The following NELFA variants were observed in gnomAD, a reference collection of about 807,000 sequenced individuals.
The protein encoded by NELFA is negative elongation factor A.
NELFA carries 35 observed loss-of-function variants against 51.8 expected under a neutral mutation model. That is an observed-to-expected ratio of 0.68 (90% CI 0.52 to 0.90). The LOEUF (loss-of-function observed/expected upper bound fraction) is 0.90, where lower values mean the gene tolerates loss of function less well. NELFA is among the 40% of genes least tolerant of loss of function. NELFA has a pLI of 0.00. For missense variants in NELFA, 658 were observed against 746.4 expected (o/e 0.88, Z 1.38); for synonymous variants, 417 against 338.4 (o/e 1.23, Z -2.55).
At chr4:2,005,490 G>C (rs1397798917) in intron 1 of NELFA, among the ~76,000 whole-genome samples, 1 of 152,030 alleles carries the variant, frequency 6.6e-6, no homozygotes, top group Non-Finnish European at 1.5e-5. Flanking sequence ...TCAGGAGTTC[G>C]AGAGCAGCCT....
At chr4:1,984,287 A>G (rs983782953) in intron 8 of NELFA, among the ~76,000 whole-genome samples, 174 bp from the exon 9 acceptor site, 2 of 152,182 alleles carry the variant, frequency 1.3e-5, no homozygotes, top group African/African-American at 2.4e-5. Flanking sequence ...CCAGAGGAAC[A>G]AGGCCAGTGG....
In NELFA at chr4:1,993,083, C is replaced by G. The variant is rs544328098; in HGVS notation, c.211-1368G>C. 6.7e-3 allele frequency among the ~76,000 whole-genome samples: 1,027 copies of G among 152,370 alleles called. 5 individuals carry two copies. The highest frequency in any genetic ancestry group is 0.01 in the Middle Eastern group (3 of 294). ...AGCCGCACAGCCCGGCTGTTTCCAG[C>G]CAGTGCGGCCTCTCCACAGCAGCCC... On this transcript the variant is annotated intron_variant, in intron 1 of 10. Coordinates refer to ENST00000382882, the MANE Select transcript of NELFA (RefSeq NM_005663.5).
chr4:2,002,027 T>C (rs373311142), intron 1 of NELFA, among the ~76,000 whole-genome samples: 284 of 151,010 alleles, frequency 1.9e-3, no homozygotes, highest in Middle Eastern at 3.5e-3. Context: ...GGTGAAACCC[T>C]GTCTCTACTA....
intron 4 of NELFA, 174 bp from the exon 5 acceptor site, chr4:1,986,576 G>T: frequency 1.0e-6 from 1 of 1,002,220 alleles, no homozygotes; most frequent in Non-Finnish European, 1.4e-6. Flanking sequence ...GCAGGGGAAC[G>T]CCTGGAGCCA....
rs1160527450 is a variant in NELFA, at chr4:1,986,507, G to A, written c.635-105C>T. On this transcript the variant is annotated intron_variant, in intron 4 of 10. Transcript: ENST00000382882. ...TCTTCTAGGCTAGCGCCGCAGAGGG[G>A]AAGGGCCAAACCCCTGGCGGGCAGC... The A allele has an allele frequency of 1.9e-6, 3 of 1,553,094 alleles. No individual in the cohort carries two copies. The African/African-American group carries it at 4.1e-5, about 21-fold the overall frequency.
In NELFA at chr4:1,983,193, G is replaced by T; in HGVS notation, c.*126C>A. On this transcript the variant is annotated 3_prime_UTR_variant, in exon 11 of 11. Transcript: ENST00000382882. ...GCATCCAGAACTTAAAACAGGCTGG[G>T]TCAGCAGCAGGGCGGCGGCCGGGGG... is the stretch of plus-strand genomic sequence containing the variant. The T allele has an allele frequency of 2.2e-6, 2 of 908,056 alleles. No homozygotes were observed. The highest frequency in any genetic ancestry group is 2.6e-5 in the East Asian group (1 of 38,606). 56.2% of individuals were successfully genotyped at this position (908,056 alleles called of 1,614,324 possible).
chr4:1,986,645 G>T, intron 4 of NELFA: 1 of 512,028 alleles, frequency 2.0e-6, no homozygotes, highest in South Asian at 2.1e-5. Context: ...CCCAGCCACA[G>T]GATCTCACCA....
At position 1,992,404 on chromosome 4, in the gene NELFA, T is replaced by C. The variant is rs766389873; in HGVS notation, c.211-689A>G. On this transcript the variant is annotated intron_variant, in intron 1 of 10. Transcript: ENST00000382882. ...GCGCACCCCGTGCTCCCTCAATACC[T>C]GGGAGGCCAGATCCATCCACACCAG... The C allele has an allele frequency of 8.6e-5, 31 of 361,286 alleles. 1 individual carries two copies. The highest frequency in any genetic ancestry group is 6.0e-4 in the South Asian group (31 of 52,034). 22.4% of individuals were successfully genotyped at this position (361,286 alleles called of 1,614,324 possible).
In NELFA at chr4:2,000,600, G is replaced by C. The variant is rs1226727739; in HGVS notation, c.210+8150C>G. On this transcript the variant is annotated intron_variant, in intron 1 of 10. Transcript: ENST00000382882. ...CATACACCCTCCCAAGACTAAACCA[G>C]GAAGAAGTCGAATCCCTGACTAGAC... 2.0e-5 allele frequency among the ~76,000 whole-genome samples: 3 copies of C among 152,234 alleles called. No homozygotes were observed. The East Asian group carries it at 5.8e-4, about 29-fold the overall frequency.
chr4:2,000,326 C>T (rs551416311), intron 1 of NELFA, among the ~76,000 whole-genome samples: 1 of 151,640 alleles, frequency 6.6e-6, no homozygotes, highest in Non-Finnish European at 1.5e-5. Context: ...AAAAACCCTC[C>T]CCCCCAAAAA....
intron 1 of NELFA, chr4:2,007,157 C>G (rs770181330): frequency 3.5e-5 from 15 of 429,532 alleles, no homozygotes; most frequent in South Asian, 2.3e-4. Context: ...CAGTGAGTCA[C>G]GATGGTGCCA....
intron 6 of NELFA, 84 bp downstream of exon 6, chr4:1,986,030 G>A (rs770876912): frequency 1.5e-5 from 21 of 1,447,048 alleles, no homozygotes; most frequent in South Asian, 2.5e-5. Flanking sequence ...AGCCCTGCCC[G>A]CCGAGCGTGG....
At chr4:2,001,794 TC>T (rs1298644615) in intron 1 of NELFA, among the ~76,000 whole-genome samples, 4 of 151,890 alleles carry the variant, frequency 2.6e-5, no homozygotes, top group Non-Finnish European at 5.9e-5. Flanking sequence ...TCCCAGCTAC[TC>T]GGGAGGCTGA....
chr4:2,008,119 A>T, intron 1 of NELFA: 1 of 439,826 alleles, frequency 2.3e-6, no homozygotes, highest in South Asian at 1.6e-5. Flanking sequence ...CCCCTTCCTC[A>T]CGCGGGGGTT....
chr4:1,983,991 T>G lies in NELFA; in HGVS notation c.1159A>C (p.Thr387Pro). The G allele has an allele frequency of 1.9e-6, 3 of 1,608,742 alleles. No individual in the cohort carries two copies. Among genetic ancestry groups the G allele is most frequent in the Non-Finnish European group, 2.5e-6 (3 of 1,179,290 alleles). Residue 387 changes from threonine to proline, a missense_variant, in exon 9 of 11, where the codon ACG becomes CCG. Around this residue, in one of 3 missense-constraint regions of NELFA, gnomAD observed 200 missense variants for 167.9 expected, o/e 1.19. Coordinates refer to ENST00000382882, the MANE Select transcript of NELFA (RefSeq NM_005663.5). ...AGAGGCGAGGTGGGCGCCGCAGGCG[T>G]GGGTGTGGCAGGGCTCAGGCCGCTG... Reference protein sequence around the residue: ...YNSGLSPATPTPAAPTSPLTP... With the variant: ...YNSGLSPATPPPAAPTSPLTP...
At position 1,991,632 on chromosome 4, in the gene NELFA, C is replaced by A; in HGVS notation, c.294G>T (p.Lys98Asn). Residue 98 changes from lysine (K) to asparagine (N), a missense_variant, in exon 2 of 11, where the codon AAG (lysine) becomes AAT (asparagine). Around this residue, in one of 3 missense-constraint regions of NELFA, gnomAD observed 371 missense variants for 448.3 expected, o/e 0.83. Transcript: ENST00000382882. Reference sequence around the variant, plus strand: ...TAAGCGAGCCTGTGTCCGGAAAGGACTTCAAGATGTCGGCGACCATGAGCA... The same window carrying A: ...TAAGCGAGCCTGTGTCCGGAAAGGAATTCAAGATGTCGGCGACCATGAGCA... ...PWVLMVADIL[K>N]SFPDTGSLNL... 1 of 1,614,044 alleles carries A rather than the reference C, an allele frequency of 6.2e-7. No homozygotes were observed. Among genetic ancestry groups the A allele is most frequent in the Non-Finnish European group, 8.5e-7 (1 of 1,179,994 alleles).
At position 1,984,170 on chromosome 4, in the gene NELFA, C is replaced by G. The variant is rs1351001781; in HGVS notation, c.1037-57G>C. 4 of 1,450,204 alleles carry G rather than the reference C, an allele frequency of 2.8e-6. No homozygotes were observed. The East Asian group carries it at 7.3e-5, about 27-fold the overall frequency. 89.8% of individuals were successfully genotyped at this position (1,450,204 alleles called of 1,614,324 possible). ...TGGACCCCCACCCTGTTCCCAAACC[C>G]TAGTGCTCCTGGAGGTGACAGGCTC... On this transcript the variant is annotated intron_variant, in intron 8 of 10. Coordinates refer to ENST00000382882, the MANE Select transcript of NELFA (RefSeq NM_005663.5).
rs749721192 is a variant in NELFA at position 1,991,604 on chromosome 4, G to C, written c.322C>G (p.Leu108Val). The change falls in exon 2 of 11, where the codon CTG becomes GTG. Residue 108 changes from leucine (L) to valine (V), a missense_variant. Leu to Val is a conservative substitution (Grantham distance 32). Coordinates refer to ENST00000382882, the MANE Select transcript of NELFA (RefSeq NM_005663.5). Reference protein sequence around the residue: ...KSFPDTGSLNLELEEQNPNVQ... With the variant: ...KSFPDTGSLNVELEEQNPNVQ... ...TTGGGATTCTGCTCCTCCAGCTCCAGGTTAAGCGAGCCTGTGTCCGGAAAG... is the reference window on the plus strand; with the variant it reads ...TTGGGATTCTGCTCCTCCAGCTCCACGTTAAGCGAGCCTGTGTCCGGAAAG... 3 of 1,614,068 alleles carry C rather than the reference G, an allele frequency of 1.9e-6. No homozygotes were observed. The South Asian group carries it at 3.3e-5, about 18-fold the overall frequency.
At chr4:2,001,902 CAAA>C (rs1728576232) in intron 1 of NELFA, among the ~76,000 whole-genome samples, 2 of 112,864 alleles carry the variant, frequency 1.8e-5, no homozygotes, top group Non-Finnish European at 1.8e-5. Context: ...GACTCTGTCT[CAAA>C]AGAAAAAAAA....
Sources: allele counts gnomAD v4.1 joint callset (sites outside exome capture counted in the v4.1 genomes callset), GRCh38; gene constraint gnomAD v4.1.1; regional missense constraint gnomAD v4.1.1; transcripts MANE v1.5; gene names NCBI Gene and HGNC (gene_info 2026-07-23, HGNC 2026-07-21).